IL16: variants seen among roughly 807,000 people sequenced by gnomAD.
IL16 encodes pro-interleukin-16.
A neutral mutation model predicts 110.1 loss-of-function variants in IL16; 67 were observed. The ratio of observed to expected loss-of-function variants is 0.61; its 90% CI spans 0.50 to 0.75. The LOEUF (loss-of-function observed/expected upper bound fraction) is 0.75. Ranked by LOEUF, IL16 falls within the 30% of genes least tolerant of loss-of-function variation. IL16 has a pLI of 0.00. For synonymous variants in IL16, 689 were observed against 662.9 expected (o/e 1.04, Z -0.61); for missense variants, 1,545 against 1,655.0 (o/e 0.93, Z 1.15).
intron 3 of IL16, among the ~76,000 whole-genome samples, chr15:81,260,795 T>C (rs771183869): frequency 2.6e-5 from 4 of 152,222 alleles, no homozygotes; most frequent in East Asian, 1.9e-4. Context: ...TTCTGCTGTA[T>C]GATGCACCAT....
intron 1 of IL16, among the ~76,000 whole-genome samples, chr15:81,189,974 A>G (rs1302091361): frequency 2.0e-5 from 3 of 152,208 alleles, no homozygotes. Context: ...AGCGTGGGAC[A>G]AATAACTGCT....
At chr15:81,283,044 G>T (rs1473166519) in intron 9 of IL16, among the ~76,000 whole-genome samples, 1 of 152,212 alleles carries the variant, frequency 6.6e-6, no homozygotes, top group Non-Finnish European at 1.5e-5. Context: ...GGGAGGGTGG[G>T]TGCTGGCTGA....
intron 4 of IL16, among the ~76,000 whole-genome samples, chr15:81,267,107 G>A (rs576969876): frequency 1.3e-5 from 2 of 152,158 alleles, no homozygotes; most frequent in Non-Finnish European, 2.9e-5. Context: ...TGCAGCCAGC[G>A]CTGGGTCCCT....
chr15:81,268,778 G>A (rs1404201298), intron 4 of IL16, among the ~76,000 whole-genome samples: 1 of 152,240 alleles, frequency 6.6e-6, no homozygotes, highest in Non-Finnish European at 1.5e-5. Flanking sequence ...TATGTGTCGG[G>A]CACCATTTTA....
Position 81,300,236 on chromosome 15 carries a change from C to T in IL16, c.2910C>T (p.Thr970=), listed in dbSNP as rs1236632537. The T allele has an allele frequency of 6.2e-7, 1 of 1,614,242 alleles. No individual in the cohort carries two copies. The highest frequency in any genetic ancestry group is 1.1e-5 in the South Asian group (1 of 91,086). ...PSQRARSFPL[T]RSQSCETKLL... is the part of the protein sequence containing the mutation. Reference sequence around the variant, plus strand: ...AGCGAGCACGGAGCTTCCCCCTGACCAGGTCCCAGTCCTGTGAGACGAAGC... The same window carrying T: ...AGCGAGCACGGAGCTTCCCCCTGACTAGGTCCCAGTCCTGTGAGACGAAGC... Residue 970 remains threonine, a synonymous_variant, in exon 14 of 19, where the codon ACC becomes ACT. Coordinates refer to ENST00000683961, the MANE Select transcript of IL16 (RefSeq NM_172217.5).
chr15:81,259,680 G>A (rs765236045), intron 2 of IL16, 92 bp from the exon 3 acceptor site: 15 of 734,158 alleles, frequency 2.0e-5, no homozygotes, highest in Non-Finnish European at 3.2e-5. Flanking sequence ...GATAATCTGA[G>A]TACTTCTATG....
chr15:81,295,095 G>C (rs1899921777), intron 12 of IL16, among the ~76,000 whole-genome samples: 1 of 151,894 alleles, frequency 6.6e-6, no homozygotes, highest in Non-Finnish European at 1.5e-5. Context: ...TAAAAAATCA[G>C]CCTAAACTCT....
intron 1 of IL16, among the ~76,000 whole-genome samples, chr15:81,202,816 T>A (rs1208496802): frequency 2.0e-5 from 3 of 152,180 alleles, no homozygotes; most frequent in Non-Finnish European, 4.4e-5. Context: ...GCAGCATGAT[T>A]TATAATCTTT....
intron 1 of IL16, among the ~76,000 whole-genome samples, chr15:81,207,843 GTTT>G (rs59889952): frequency 4.2e-5 from 6 of 143,398 alleles, no homozygotes; most frequent in African/African-American, 1.3e-4. Flanking sequence ...GTGCATGTGG[GTTT>G]TTTTTTTTTT....
At chr15:81,305,389 T>G (rs1162750092) in intron 16 of IL16, among the ~76,000 whole-genome samples, 1 of 152,116 alleles carries the variant, frequency 6.6e-6, no homozygotes, top group African/African-American at 2.4e-5. Context: ...CTTGGCCGGG[T>G]GTGGTGGCTC....
At chr15:81,275,358 GA>G (rs1243531812) in intron 6 of IL16, among the ~76,000 whole-genome samples, 16 of 100,620 alleles carry the variant, frequency 1.6e-4, no homozygotes, top group South Asian at 3.5e-4. Context: ...GACGGGGGAG[GA>G]GGGGGGGGAG....
intron 2 of IL16, among the ~76,000 whole-genome samples, chr15:81,246,362 A>C (rs1426039077): frequency 6.6e-6 from 1 of 152,108 alleles, no homozygotes; most frequent in African/African-American, 2.4e-5. Context: ...CCTGGCAACC[A>C]CTTACTTTTC....
At chr15:81,282,870 G>T in intron 9 of IL16, 114 bp downstream of exon 9, 3 of 915,216 alleles carry the variant, frequency 3.3e-6, no homozygotes, top group Non-Finnish European at 5.3e-6. Context: ...ATCTTGTGGT[G>T]GAGATCAGCC....
chr15:81,254,417 T>TC (rs1348841138), intron 2 of IL16, among the ~76,000 whole-genome samples: 1 of 152,190 alleles, frequency 6.6e-6, no homozygotes, highest in Non-Finnish European at 1.5e-5. Flanking sequence ...TTTGTTTTTT[T>TC]CCCCATTTCT....
chr15:81,243,533 T>C (rs1170944410), intron 2 of IL16, among the ~76,000 whole-genome samples: 1 of 152,052 alleles, frequency 6.6e-6, no homozygotes, highest in Non-Finnish European at 1.5e-5. Flanking sequence ...TCTTTTTTTG[T>C]AAATCTTTGT....
At chr15:81,201,844 G>T (rs1895828272) in intron 1 of IL16, among the ~76,000 whole-genome samples, 4 of 152,174 alleles carry the variant, frequency 2.6e-5, no homozygotes, top group Admixed American at 2.6e-4. Context: ...CTGTGCTGCA[G>T]CATGTTTTGT....
chr15:81,227,527 C>T (rs74030026), intron 2 of IL16, among the ~76,000 whole-genome samples: 383 of 152,024 alleles, frequency 2.5e-3, no homozygotes, highest in African/African-American at 8.7e-3. Flanking sequence ...TCAAGGAGAC[C>T]GGTATGCCTG....
chr15:81,284,936 T>A (rs1343874934), intron 9 of IL16, among the ~76,000 whole-genome samples: 1 of 152,230 alleles, frequency 6.6e-6, no homozygotes, highest in Non-Finnish European at 1.5e-5. Context: ...TCTGGCCCTT[T>A]GCAGAAAAAG....
chr15:81,224,457 G>A (rs1415916908), intron 1 of IL16, among the ~76,000 whole-genome samples: 1 of 152,224 alleles, frequency 6.6e-6, no homozygotes, highest in Non-Finnish European at 1.5e-5. Flanking sequence ...TGGCCTGACT[G>A]GAAAGCCCAT....
Sources: allele counts gnomAD v4.1 joint callset (sites outside exome capture counted in the v4.1 genomes callset), GRCh38; gene constraint gnomAD v4.1.1; transcripts MANE v1.5; gene names NCBI Gene and HGNC (gene_info 2026-07-23, HGNC 2026-07-21).